Variants in NFIB observed in about 807,000 individuals in gnomAD.
NFIB encodes the protein nuclear factor I B.
In NFIB, 11 loss-of-function variants were observed where a neutral mutation model predicts 61.5. The ratio of observed to expected loss-of-function variants is 0.18; its 90% CI spans 0.11 to 0.30. The LOEUF is 0.30. Among genes scored for constraint, NFIB ranks in the 10% least tolerant of loss-of-function variants. The pLI is 1.00. For synonymous variants in NFIB, 260 were observed against 216.5 expected (o/e 1.20, Z -1.76); for missense variants, 471 against 608.9 (o/e 0.77, Z 2.38).
intron 3 of NFIB, among the ~76,000 whole-genome samples, chr9:14,165,911 A>C (rs553252966): frequency 2.2e-4 from 33 of 152,272 alleles, no homozygotes; most frequent in African/African-American, 6.7e-4. Flanking sequence ...GCAAGATGAA[A>C]AGTTTCTGGA....
chr9:14,374,144 A>G (rs2061390378), intron 1 of NFIB, among the ~76,000 whole-genome samples: 2 of 152,242 alleles, frequency 1.3e-5, no homozygotes. Flanking sequence ...ATGAGTGAAT[A>G]TAACATTTTC....
chr9:14,453,885 A>C, the NFIB span, among the ~76,000 whole-genome samples: 1 of 151,832 alleles, frequency 6.6e-6, no homozygotes, highest in Non-Finnish European at 1.5e-5. Flanking sequence ...GATCGAGACC[A>C]CCCTGGCCAA....
chr9:14,084,350 A>G lies in NFIB; in HGVS notation c.*3959T>C, dbSNP rs2032500975. The stretch of plus-strand genomic sequence containing the variant: ...GTGTACAAATTACTGTCTACAAGGT[A>G]GGCGGTTCATTAAGAAGACCTTTCG... On this transcript the variant is annotated 3_prime_UTR_variant, in exon 11 of 11. Coordinates refer to ENST00000380953, the MANE Select transcript of NFIB (RefSeq NM_001190737.2). 4.6e-6 allele frequency: 1 copy of G among 218,526 alleles called. No homozygotes were observed. Among genetic ancestry groups the G allele is most frequent in the Admixed American group, 5.8e-5 (1 of 17,278 alleles). The allele number at this position is 218,526 out of a possible 1,614,324, so 13.5% of individuals were successfully genotyped here. A position where few individuals can be genotyped will look rare whatever the true frequency, so the allele number is the denominator to read the frequency against.
intron 2 of NFIB, among the ~76,000 whole-genome samples, chr9:14,237,753 T>C (rs1388569466): frequency 1.4e-5 from 2 of 144,606 alleles, no homozygotes; most frequent in East Asian, 2.1e-4. Context: ...CTCACCCTGC[T>C]AGGTATAACA....
the NFIB span, among the ~76,000 whole-genome samples, chr9:14,495,296 G>A: frequency 6.6e-6 from 1 of 152,154 alleles, no homozygotes; most frequent in African/African-American, 2.4e-5. Flanking sequence ...TAGTCCAGGA[G>A]AGCAGGCTGA....
At chr9:14,501,157 A>C in the NFIB span, among the ~76,000 whole-genome samples, 1 of 152,298 alleles carries the variant, frequency 6.6e-6, no homozygotes, top group South Asian at 2.1e-4. Flanking sequence ...AAAGTTCCAG[A>C]AGATACAGTC....
chr9:14,141,354 T>C (rs960786298), intron 6 of NFIB, among the ~76,000 whole-genome samples: 1 of 152,174 alleles, frequency 6.6e-6, no homozygotes, highest in Admixed American at 6.5e-5. Context: ...TCCAGTTTAA[T>C]TTTTCAAACT....
At chr9:14,456,292 A>C in the NFIB span, among the ~76,000 whole-genome samples, 1 of 151,920 alleles carries the variant, frequency 6.6e-6, no homozygotes, top group African/African-American at 2.4e-5. Flanking sequence ...AAGACTTTTA[A>C]AGCTATGACA....
At chr9:14,427,084 C>T in the NFIB span, among the ~76,000 whole-genome samples, 2 of 152,172 alleles carry the variant, frequency 1.3e-5, no homozygotes, top group Non-Finnish European at 2.9e-5. Context: ...GGGTTAAATG[C>T]ATATGTGTAC....
chr9:14,184,107 G>A (rs2047091709), intron 2 of NFIB, among the ~76,000 whole-genome samples: 1 of 151,830 alleles, frequency 6.6e-6, no homozygotes, highest in Admixed American at 6.6e-5. Context: ...GCTTACCTAA[G>A]GAGTGAGCAG....
chr9:14,167,941 T>C (rs756403779), intron 3 of NFIB, among the ~76,000 whole-genome samples: 7 of 152,236 alleles, frequency 4.6e-5, no homozygotes, highest in Non-Finnish European at 1.0e-4. Flanking sequence ...GAGATTAGTA[T>C]TCTGAATCAG....
chr9:14,116,382 C>G, intron 8 of NFIB, 36 bp from the exon 9 acceptor site: 1 of 1,449,562 alleles, frequency 6.9e-7, no homozygotes, highest in Non-Finnish European at 9.2e-7. Context: ...GTGAAGCAAT[C>G]CAAAAGGCAG....
intron 2 of NFIB, among the ~76,000 whole-genome samples, chr9:14,186,365 G>A (rs527693881): frequency 1.0e-3 from 154 of 152,186 alleles, no homozygotes; most frequent in Non-Finnish European, 1.8e-3. Flanking sequence ...GTCAATGAAA[G>A]AATACCATGA....
At chr9:14,429,361 G>A in the NFIB span, among the ~76,000 whole-genome samples, 9 of 152,188 alleles carry the variant, frequency 5.9e-5, no homozygotes, top group Admixed American at 5.9e-4. Flanking sequence ...AAGTCAAGGA[G>A]TCAAGAGTGG....
rs539690535 is a variant in NFIB, at chr9:14,365,434, C to G, written c.108+33090G>C. 2.6e-5 allele frequency among the ~76,000 whole-genome samples: 4 copies of G among 152,308 alleles called. No individual in the cohort carries two copies. The South Asian group carries it at 8.3e-4, about 32-fold the overall frequency. ...ACCACCAAGTGTGGCCAGACCATGG[C>G]TATTCTGTCTGTGTTCCTGTTGATT... On this transcript the variant is annotated intron_variant, in intron 1 of 8. Transcript: ENST00000380934.
At chr9:14,374,567 C>T (rs1212412321) in intron 1 of NFIB, among the ~76,000 whole-genome samples, 3 of 152,206 alleles carry the variant, frequency 2.0e-5, no homozygotes, top group Admixed American at 2.0e-4. Context: ...GCTGAAGTCT[C>T]AGCTCAGGAG....
chr9:14,154,786 A>C (rs1435925187), intron 4 of NFIB, among the ~76,000 whole-genome samples: 4 of 152,310 alleles, frequency 2.6e-5, no homozygotes, highest in Middle Eastern at 6.8e-3. Context: ...CACTTTAGAA[A>C]TGTGAGCTAT....
At position 14,087,215 on chromosome 9, in the gene NFIB, A is replaced by C. The variant is rs2032990487; in HGVS notation, c.*1094T>G. ...TAAATTCTACCTCCAAGGAGGCTGC[A>C]GCTAAACCAACATAAGTGCTGTGTT... is the stretch of plus-strand genomic sequence containing the variant. On this transcript the variant is annotated 3_prime_UTR_variant, in exon 11 of 11. Coordinates refer to ENST00000380953, the MANE Select transcript of NFIB (RefSeq NM_001190737.2). The C allele has an allele frequency of 4.9e-6, 1 of 203,164 alleles. No homozygotes were observed. The highest frequency in any genetic ancestry group is 1.0e-5 in the Non-Finnish European group (1 of 98,658). The allele number at this position is 203,164 out of a possible 1,614,324, so 12.6% of individuals were successfully genotyped here. A position where few individuals can be genotyped will look rare whatever the true frequency, so the allele number is the denominator to read the frequency against.
chr9:14,282,376 C>G (rs970832735), intron 2 of NFIB, among the ~76,000 whole-genome samples: 1 of 151,920 alleles, frequency 6.6e-6, no homozygotes, highest in Non-Finnish European at 1.5e-5. Context: ...GATAAAAAAT[C>G]GTATTGTGTT....
Sources: gnomAD v4.1 joint callset for allele counts (sites outside exome capture counted in the v4.1 genomes callset) on GRCh38, gnomAD v4.1.1 for gene constraint, MANE v1.5 for transcripts, NCBI Gene and HGNC (gene_info 2026-07-23, HGNC 2026-07-21) for gene names.